CCDC158: variants seen among roughly 807,000 people sequenced by gnomAD.
CCDC158 encodes the protein coiled-coil domain containing 158.
CCDC158 carries 116 observed loss-of-function variants against 138.6 expected under a neutral mutation model. The observed-to-expected ratio is 0.84, with a 90% CI of 0.72 to 0.98. The LOEUF (loss-of-function observed/expected upper bound fraction) is 0.98, where lower values mean the gene tolerates loss of function less well. Among genes scored for constraint, CCDC158 ranks in the 50% least tolerant of loss-of-function variants. The probability of loss-of-function intolerance (pLI) is 0.00; values close to 1 mark genes in which losing one functional copy is unlikely to be tolerated. For missense variants in CCDC158, 1,265 were observed against 1,306.1 expected, an observed-to-expected ratio of 0.97 and a Z score of 0.48; for synonymous variants, 436 against 442.4, an observed-to-expected ratio of 0.99 and a Z score of 0.18.
intron 24 of CCDC158, among the ~76,000 whole-genome samples, chr4:76,318,440 A>C (rs912023171): frequency 6.6e-6 from 1 of 152,156 alleles, no homozygotes; most frequent in Non-Finnish European, 1.5e-5. Context: ...GGAGATATAC[A>C]ACCCTCCTGA....
intron 3 of CCDC158, chr4:76,401,166 AC>A (rs1241800838): frequency 6.9e-6 from 2 of 289,672 alleles, no homozygotes; most frequent in African/African-American, 4.5e-5. Context: ...AAATAGGTGT[AC>A]TCTAGGAATA....
intron 18 of CCDC158, among the ~76,000 whole-genome samples, chr4:76,334,679 C>T (rs1261815201): frequency 1.3e-5 from 2 of 152,112 alleles, no homozygotes; most frequent in African/African-American, 4.8e-5. Flanking sequence ...ATGAGATTTT[C>T]AGATTGATAG....
chr4:76,325,005 C>T (rs1720394494), intron 23 of CCDC158, among the ~76,000 whole-genome samples: 1 of 152,168 alleles, frequency 6.6e-6, no homozygotes, highest in South Asian at 2.1e-4. Flanking sequence ...TCTCAGCTTC[C>T]TCAGTCTTTG....
intron 24 of CCDC158, among the ~76,000 whole-genome samples, chr4:76,317,044 G>A (rs947387875): frequency 6.7e-6 from 1 of 150,094 alleles, no homozygotes; most frequent in Non-Finnish European, 1.5e-5. Flanking sequence ...AATCTCACAG[G>A]GCCTATAAAA....
chr4:76,412,536 G>T (rs577663509), intron 1 of CCDC158, among the ~76,000 whole-genome samples: 1 of 152,096 alleles, frequency 6.6e-6, no homozygotes, highest in Non-Finnish European at 1.5e-5. Context: ...TGAGGTGGGC[G>T]CATCACTTGA....
chr4:76,367,892 ATC>A (rs1234765495), intron 11 of CCDC158, 116 bp from the exon 12 acceptor site: 9 of 903,004 alleles, frequency 1.0e-5, no homozygotes, highest in East Asian at 2.8e-5. Flanking sequence ...GTTTAGTAAG[ATC>A]TTTTTTTTTT....
chr4:76,355,475 T>C (rs757603978), intron 14 of CCDC158, 39 bp from the exon 15 acceptor site: 7 of 1,302,678 alleles, frequency 5.4e-6, no homozygotes, highest in African/African-American at 1.5e-5. Context: ...CTTAGGTTCT[T>C]AAGTTTGAGA....
chr4:76,391,300 C>G (rs1160373002), intron 4 of CCDC158, among the ~76,000 whole-genome samples: 2 of 151,830 alleles, frequency 1.3e-5, no homozygotes, highest in Admixed American at 1.3e-4. Context: ...TTAAAACATT[C>G]AAGAAAACCT....
At chr4:76,386,190 C>A (rs1012281860) in intron 4 of CCDC158, among the ~76,000 whole-genome samples, 7 of 152,172 alleles carry the variant, frequency 4.6e-5, no homozygotes, top group African/African-American at 1.7e-4. Flanking sequence ...ACCATTCATT[C>A]CCTAACCCCT....
Position 76,367,590 on chromosome 4 carries a change from T to C in CCDC158, c.1534A>G (p.Ile512Val), listed in dbSNP as rs772647536. The C allele has an allele frequency of 4.3e-6, 7 of 1,614,244 alleles. No homozygotes were observed. The highest frequency in any genetic ancestry group is 4.2e-6 in the Non-Finnish European group (5 of 1,180,038). ...TTSLQEKERA[I>V]EATNAEITKL... ...GTGATCTCTGCATTGGTAGCCTCGA[T>C]GGCTCTCTCTTTTTCCTGGAGAGAA... The change falls in exon 12 of 25, where the codon ATC (isoleucine) becomes GTC (valine). Residue 512 changes from isoleucine to valine, a missense_variant. Physicochemically the swap from Ile to Val is conservative, Grantham distance 29. Coordinates refer to ENST00000682701, the MANE Select transcript of CCDC158 (RefSeq NM_001394954.1).
chr4:76,421,131 C>T lies in CCDC158; in HGVS notation c.-283G>A, dbSNP rs1730093856. ...GGCGGCTCCTCCTCCTCGGCTGCGG[C>T]GCCGGAAGCTGCCCGCGCCCGTCAC... On this transcript the variant is annotated 5_prime_UTR_variant, in exon 1 of 25. Transcript: ENST00000682701. Among the ~76,000 whole-genome samples, 1 of 152,022 alleles carries T rather than the reference C, an allele frequency of 6.6e-6. No individual in the cohort carries two copies. The highest frequency in any genetic ancestry group is 2.4e-5 in the African/African-American group (1 of 41,428).
At chr4:76,416,646 A>C (rs1160891621) in intron 1 of CCDC158, among the ~76,000 whole-genome samples, 1 of 152,188 alleles carries the variant, frequency 6.6e-6, no homozygotes, top group Non-Finnish European at 1.5e-5. Flanking sequence ...TCATGGCTGA[A>C]AGGGGCCAAT....
chr4:76,386,254 A>G (rs1204916627), intron 4 of CCDC158, among the ~76,000 whole-genome samples: 1 of 131,200 alleles, frequency 7.6e-6, no homozygotes, highest in Non-Finnish European at 1.7e-5. Flanking sequence ...ACAGAAGAGC[A>G]CCATCATAAG....
chr4:76,373,534 G>A (rs1228586282), intron 9 of CCDC158, among the ~76,000 whole-genome samples: 1 of 152,012 alleles, frequency 6.6e-6, no homozygotes, highest in Non-Finnish European at 1.5e-5. Context: ...TTTTTCTTGA[G>A]AACTTTCTAG....
At chr4:76,350,126 C>T (rs1722915928) in intron 18 of CCDC158, among the ~76,000 whole-genome samples, 2 of 152,222 alleles carry the variant, frequency 1.3e-5, no homozygotes, top group South Asian at 2.1e-4. Flanking sequence ...GTCTCCTGCC[C>T]TTCCCCTGTG....
At position 76,367,726 on chromosome 4, in the gene CCDC158, C is replaced by T. The variant is rs1428180392; in HGVS notation, c.1398G>A (p.Leu466=). 5.0e-6 allele frequency: 8 copies of T among 1,610,878 alleles called. No homozygotes were observed. The change falls in exon 12 of 25, where the codon TTG becomes TTA. Residue 466 remains leucine, a synonymous_variant. Transcript: ENST00000682701. ...CTTTGGTGGATTCAAGCTGAGCAGT[C>T]AAGGAGGATACTTTTTCTAGACTTT... ...KNESLEKVSS[L]TAQLESTKEM...
Position 76,325,878 on chromosome 4 carries a change from G to A in CCDC158, c.3148C>T (p.His1050Tyr). ...TTACCTTTAACAGAATCAGATGAAT[G>A]AATAGGTTTGGCAGATCTATACTGT... ...TSQYRSAKPI[H>Y]SSDSVKDSQS... Residue 1050 changes from histidine (H) to tyrosine (Y), a missense_variant, in exon 23 of 25, where the codon CAT (histidine) becomes TAT (tyrosine). Transcript: ENST00000682701. 1 of 1,610,508 alleles carries A rather than the reference G, an allele frequency of 6.2e-7. No homozygotes were observed. Among genetic ancestry groups the A allele is most frequent in the Non-Finnish European group, 8.5e-7 (1 of 1,178,790 alleles).
At chr4:76,394,013 C>T (rs1727546073) in intron 4 of CCDC158, among the ~76,000 whole-genome samples, 1 of 152,044 alleles carries the variant, frequency 6.6e-6, no homozygotes, top group Middle Eastern at 3.4e-3. Flanking sequence ...AAAAAGGAAC[C>T]CTTGTACACT....
At chr4:76,350,099 A>G (rs2110166782) in intron 18 of CCDC158, among the ~76,000 whole-genome samples, 1 of 152,358 alleles carries the variant, frequency 6.6e-6, no homozygotes, top group Non-Finnish European at 1.5e-5. Flanking sequence ...TGATTTCATA[A>G]CACTTAAAAA....
Sources: gnomAD v4.1 joint callset for allele counts (sites outside exome capture counted in the v4.1 genomes callset) on GRCh38, gnomAD v4.1.1 for gene constraint, MANE v1.5 for transcripts, NCBI Gene and HGNC (gene_info 2026-07-23, HGNC 2026-07-21) for gene names.